Variants in ULK4 observed in about 807,000 individuals in gnomAD.
The protein encoded by ULK4 is unc-51 like kinase 4, also known as inactive serine/threonine-protein kinase ULK4.
ULK4 carries 133 observed loss-of-function variants against 160.6 expected under a neutral mutation model. The observed-to-expected ratio is 0.83, with a 90% confidence interval of 0.72 to 0.96. The LOEUF (loss-of-function observed/expected upper bound fraction) is 0.96, where lower values mean the gene tolerates loss of function less well. ULK4 is among the 40% of genes least tolerant of loss of function. The pLI is 0.00. For missense variants in ULK4, 1,580 were observed against 1,499.5 expected, an observed-to-expected ratio of 1.05 and a Z score of -0.89; for synonymous variants, 534 against 539.8, an observed-to-expected ratio of 0.99 and a Z score of 0.15.
chr3:41,293,539 T>C (rs375009907), intron 35 of ULK4, among the ~76,000 whole-genome samples: 2 of 152,204 alleles, frequency 1.3e-5, no homozygotes, highest in African/African-American at 2.4e-5. Flanking sequence ...TGTAACATCA[T>C]AGAGGAATCT....
At chr3:41,733,769 C>T (rs1359359187) in intron 22 of ULK4, among the ~76,000 whole-genome samples, 1 of 129,820 alleles carries the variant, frequency 7.7e-6, no homozygotes, top group Non-Finnish European at 1.5e-5. Flanking sequence ...GAGTCTCATC[C>T]TGTCTCCCAG....
intron 12 of ULK4, among the ~76,000 whole-genome samples, chr3:41,902,596 A>C (rs1441077879): frequency 6.6e-6 from 1 of 151,444 alleles, no homozygotes; most frequent in Non-Finnish European, 1.5e-5. Flanking sequence ...AAGAAAAAAA[A>C]AAAAAAGGCC....
chr3:41,418,324 C>CT (rs1251198758), intron 34 of ULK4, among the ~76,000 whole-genome samples: 1 of 133,250 alleles, frequency 7.5e-6, no homozygotes, highest in African/African-American at 3.1e-5. Context: ...TCATGACATA[C>CT]TTTTTTTCTT....
chr3:41,899,375 TCTAAGA>T (rs1698274380), intron 13 of ULK4: 1 of 152,202 alleles, frequency 6.6e-6, no homozygotes, highest in Non-Finnish European at 1.5e-5. Context: ...GAAACTTTTC[TCTAAGA>T]CTAAAAGTAG....
intron 35 of ULK4, among the ~76,000 whole-genome samples, chr3:41,313,593 T>G (rs1479940841): frequency 6.6e-6 from 1 of 152,206 alleles, no homozygotes; most frequent in Non-Finnish European, 1.5e-5. Context: ...ACAAGCTTCT[T>G]TAGTTGAACA....
At chr3:41,703,307 G>T (rs6799906) in intron 27 of ULK4, among the ~76,000 whole-genome samples, 2 of 151,714 alleles carry the variant, frequency 1.3e-5, no homozygotes, top group African/African-American at 4.8e-5. Context: ...AAGACTTGAT[G>T]AATTTCAACA....
At chr3:41,382,247 T>C (rs1283006264) in intron 35 of ULK4, among the ~76,000 whole-genome samples, 1 of 152,188 alleles carries the variant, frequency 6.6e-6, no homozygotes, top group African/African-American at 2.4e-5. Flanking sequence ...GGGTTTTCTG[T>C]CTGTCTTGTT....
chr3:41,591,643 G>A (rs776081567), intron 31 of ULK4, among the ~76,000 whole-genome samples: 7 of 152,182 alleles, frequency 4.6e-5, no homozygotes, highest in Non-Finnish European at 8.8e-5. Flanking sequence ...CAGTTAATAT[G>A]AGTAAATATT....
At chr3:41,848,425 C>A (rs1246501009) in intron 17 of ULK4, among the ~76,000 whole-genome samples, 1 of 152,192 alleles carries the variant, frequency 6.6e-6, no homozygotes, top group East Asian at 1.9e-4. Context: ...CTTCTTAACA[C>A]CACTCAACTT....
At chr3:41,535,093 A>C (rs190619920) in intron 32 of ULK4, among the ~76,000 whole-genome samples, 4 of 152,098 alleles carry the variant, frequency 2.6e-5, no homozygotes, top group African/African-American at 9.7e-5. Context: ...AGATTTATCA[A>C]TGCTTGCCTT....
chr3:41,415,202 G>A (rs1037253532), intron 34 of ULK4, among the ~76,000 whole-genome samples: 36 of 152,098 alleles, frequency 2.4e-4, no homozygotes, highest in African/African-American at 8.0e-4. Context: ...GCAAGGTTTC[G>A]GAAACCACAG....
chr3:41,307,283 CTG>C (rs1452962848), intron 35 of ULK4, among the ~76,000 whole-genome samples: 3 of 152,122 alleles, frequency 2.0e-5, no homozygotes, highest in Non-Finnish European at 4.4e-5. Context: ...GAATCCTCCT[CTG>C]TGCTTTGACA....
chr3:41,700,819 G>A (rs1376254188), intron 27 of ULK4, among the ~76,000 whole-genome samples: 1 of 152,060 alleles, frequency 6.6e-6, no homozygotes, highest in Non-Finnish European at 1.5e-5. Context: ...TAACAAACAT[G>A]AATAAATAAG....
chr3:41,677,332 ATTT>A (rs199498760), intron 29 of ULK4, among the ~76,000 whole-genome samples: 2 of 128,480 alleles, frequency 1.6e-5, no homozygotes, highest in Admixed American at 7.9e-5. Flanking sequence ...AAGTTCATTC[ATTT>A]TTTTTTTTTT....
intron 35 of ULK4, among the ~76,000 whole-genome samples, chr3:41,340,244 T>C (rs1416694667): frequency 6.6e-6 from 1 of 152,262 alleles, no homozygotes; most frequent in African/African-American, 2.4e-5. Flanking sequence ...TTGTCCTTTT[T>C]TTCCCCAACC....
At chr3:41,736,124 C>T in intron 22 of ULK4, among the ~76,000 whole-genome samples, 1 of 151,526 alleles carries the variant, frequency 6.6e-6, no homozygotes, top group African/African-American at 2.4e-5. Context: ...CAAGTCTTTG[C>T]TATTGTGAAT....
intron 18 of ULK4, among the ~76,000 whole-genome samples, chr3:41,828,098 AG>A (rs2041432216): frequency 7.1e-6 from 1 of 141,100 alleles, no homozygotes; most frequent in Admixed American, 6.8e-5. Context: ...AAAATTCAAC[AG>A]CCCTTCATGC....
chr3:41,552,050 G>T (rs1025514775), intron 32 of ULK4, among the ~76,000 whole-genome samples: 1 of 151,820 alleles, frequency 6.6e-6, no homozygotes. Context: ...GTATTAACAC[G>T]GTTCAATATC....
At chr3:41,721,347 TA>T in intron 22 of ULK4, among the ~76,000 whole-genome samples, 1 of 58,088 alleles carries the variant, frequency 1.7e-5, no homozygotes, top group South Asian at 6.3e-4. Context: ...TATATATATA[TA>T]TATATATATA....
Sources: allele counts gnomAD v4.1 joint callset (sites outside exome capture counted in the v4.1 genomes callset), GRCh38; gene constraint gnomAD v4.1.1; transcripts MANE v1.5; gene names NCBI Gene and HGNC (gene_info 2026-07-23, HGNC 2026-07-21).